The following RNF138 variants were observed in gnomAD, a reference collection of about 807,000 sequenced individuals.
The protein encoded by RNF138 is ring finger protein 138, also known as E3 ubiquitin-protein ligase RNF138.
In RNF138, 12 loss-of-function variants were observed where a neutral mutation model predicts 31.0. That is an observed-to-expected ratio of 0.39 (90% CI 0.25 to 0.63). RNF138 has a LOEUF of 0.63. Ranked by LOEUF, RNF138 falls within the 20% of genes least tolerant of loss-of-function variation. The pLI, the probability that RNF138 is intolerant of heterozygous loss-of-function variation, is 0.52. For synonymous variants in RNF138, 105 were observed against 99.5 expected, an observed-to-expected ratio of 1.06 and a Z score of -0.33; for missense variants, 192 against 300.1, an observed-to-expected ratio of 0.64 and a Z score of 2.66.
At chr18:32,118,054 G>C (rs2040245158) in intron 4 of RNF138, among the ~76,000 whole-genome samples, 1 of 152,016 alleles carries the variant, frequency 6.6e-6, no homozygotes, top group Non-Finnish European at 1.5e-5. Flanking sequence ...GGCTCATACA[G>C]TTTATTTCAA....
rs557421504 is a variant in RNF138 at position 32,102,856 on chromosome 18, C to A, written c.111-8898C>A. ...ATGTTGGCCAGGCTGGTCTTGAACTCCTGACCTTAGGTGATCCACCTGCCT... is the reference window on the plus strand; with the variant it reads ...ATGTTGGCCAGGCTGGTCTTGAACTACTGACCTTAGGTGATCCACCTGCCT... On this transcript the variant is annotated intron_variant, in intron 2 of 7. Coordinates refer to ENST00000261593, the MANE Select transcript of RNF138 (RefSeq NM_016271.5). Among the ~76,000 whole-genome samples, 3 of 152,114 alleles carry A rather than the reference C, an allele frequency of 2.0e-5. No individual in the cohort carries two copies. The East Asian group carries it at 5.8e-4, about 30-fold the overall frequency.
intron 4 of RNF138, among the ~76,000 whole-genome samples, chr18:32,115,763 A>G (rs943771668): frequency 1.3e-5 from 2 of 151,972 alleles, no homozygotes; most frequent in South Asian, 2.1e-4. Context: ...ACACACGCAC[A>G]CACACGCACG....
At chr18:32,111,044 T>C (rs1401196922) in intron 2 of RNF138, among the ~76,000 whole-genome samples, 2 of 152,234 alleles carry the variant, frequency 1.3e-5, no homozygotes, top group Non-Finnish European at 2.9e-5. Flanking sequence ...CGTCCCAAAG[T>C]GCTGGGATTA....
chr18:32,123,233 A>G (rs563867255), intron 4 of RNF138, among the ~76,000 whole-genome samples: 1 of 152,308 alleles, frequency 6.6e-6, no homozygotes, highest in South Asian at 2.1e-4. Context: ...AAAATTCTCT[A>G]TACTTCTGTA....
At chr18:32,098,641 A>G (rs1334825504) in intron 2 of RNF138, among the ~76,000 whole-genome samples, 3 of 152,148 alleles carry the variant, frequency 2.0e-5, no homozygotes, top group Admixed American at 1.3e-4. Context: ...TCACAAGGTC[A>G]GGAGATCGAG....
At chr18:32,113,386 C>G (rs2040165140) in intron 3 of RNF138, among the ~76,000 whole-genome samples, 1 of 152,076 alleles carries the variant, frequency 6.6e-6, no homozygotes, top group South Asian at 2.1e-4. Context: ...TAAGTGCTTT[C>G]TAACTCTGCC....
chr18:32,123,275 A>G (rs984909592), intron 4 of RNF138, among the ~76,000 whole-genome samples: 4 of 152,178 alleles, frequency 2.6e-5, no homozygotes, highest in African/African-American at 9.7e-5. Context: ...AAGAACATAA[A>G]TAAGAATCTA....
intron 7 of RNF138, 88 bp from the exon 8 acceptor site, chr18:32,129,031 A>C: frequency 1.2e-6 from 1 of 812,878 alleles, no homozygotes; most frequent in Non-Finnish European, 2.2e-6. Flanking sequence ...AAGATGTGTA[A>C]TGTGTATCAA....
intron 2 of RNF138, among the ~76,000 whole-genome samples, chr18:32,097,617 G>A (rs28727388): frequency 0.015 from 2,320 of 152,072 alleles, 62 homozygotes; most frequent in African/African-American, 0.053. Context: ...CTGAGTAGCT[G>A]GGACTACAGG....
chr18:32,094,027 G>A (rs1020580518), intron 2 of RNF138, among the ~76,000 whole-genome samples: 1 of 152,008 alleles, frequency 6.6e-6, no homozygotes, highest in Non-Finnish European at 1.5e-5. Context: ...TCCTGACCTC[G>A]TGATCCTCCC....
intron 2 of RNF138, among the ~76,000 whole-genome samples, chr18:32,099,435 C>T (rs562913228): frequency 6.6e-6 from 1 of 152,276 alleles, no homozygotes; most frequent in South Asian, 2.1e-4. Flanking sequence ...CAAAATCTCG[C>T]TCTGTTGCCC....
intron 2 of RNF138, among the ~76,000 whole-genome samples, chr18:32,100,201 G>GATATATATATAT (rs34225221): frequency 4.8e-5 from 7 of 146,562 alleles, no homozygotes; most frequent in African/African-American, 1.7e-4. Flanking sequence ...TAGTGATTGA[G>GATATATATATAT]ATATATATAT....
At chr18:32,109,795 A>T (rs2040096784) in intron 2 of RNF138, among the ~76,000 whole-genome samples, 1 of 152,154 alleles carries the variant, frequency 6.6e-6, no homozygotes, top group Non-Finnish European at 1.5e-5. Context: ...CTGAGGCAGG[A>T]AAATTACTTG....
chr18:32,120,717 A>G (rs1203829910), intron 4 of RNF138, among the ~76,000 whole-genome samples: 2 of 152,198 alleles, frequency 1.3e-5, no homozygotes, highest in Non-Finnish European at 2.9e-5. Context: ...ATAATGGTAG[A>G]TAGAAGGGAG....
chr18:32,104,767 A>G (rs2040002112), intron 2 of RNF138, among the ~76,000 whole-genome samples: 1 of 152,234 alleles, frequency 6.6e-6, no homozygotes, highest in Admixed American at 6.5e-5. Flanking sequence ...GTAAGAGAAC[A>G]TGACATTTAT....
At chr18:32,126,569 C>A (rs2040387151) in intron 6 of RNF138, 124 bp from the exon 7 acceptor site, 3 of 564,576 alleles carry the variant, frequency 5.3e-6, no homozygotes. Context: ...GGAACTTGGC[C>A]TTTAAAAATG....
chr18:32,117,192 C>T (rs763535394), intron 4 of RNF138, among the ~76,000 whole-genome samples: 4 of 151,940 alleles, frequency 2.6e-5, no homozygotes, highest in African/African-American at 2.4e-5. Context: ...ATGAACCACC[C>T]GCGCCCAGCC....
intron 7 of RNF138, among the ~76,000 whole-genome samples, chr18:32,128,081 A>AAAAG (rs2040411917): frequency 6.6e-6 from 1 of 151,394 alleles, no homozygotes; most frequent in African/African-American, 2.4e-5. Flanking sequence ...CTCCGTCTCA[A>AAAAG]AAAAGAAAAG....
chr18:32,098,709 C>A (rs946055838), intron 2 of RNF138, among the ~76,000 whole-genome samples: 1 of 151,802 alleles, frequency 6.6e-6, no homozygotes, highest in African/African-American at 2.4e-5. Flanking sequence ...AAAAATTAGC[C>A]GGGTGTGGCG....
Sources: allele counts gnomAD v4.1 joint callset (sites outside exome capture counted in the v4.1 genomes callset), GRCh38; gene constraint gnomAD v4.1.1; transcripts MANE v1.5; gene names NCBI Gene and HGNC (gene_info 2026-07-23, HGNC 2026-07-21).